OSBPL10: variants seen among roughly 807,000 people sequenced by gnomAD.
OSBPL10 encodes the protein oxysterol binding protein like 10, also known as oxysterol-binding protein-related protein 10.
Under a neutral mutation model 81.7 loss-of-function variants are expected in OSBPL10, and 49 were observed. The observed-to-expected ratio is 0.60, with a 90% CI of 0.48 to 0.76. OSBPL10 has a LOEUF of 0.76. Among genes scored for constraint, OSBPL10 ranks in the 30% least tolerant of loss-of-function variants. The pLI is 0.00. For synonymous variants in OSBPL10, 419 were observed against 383.6 expected (o/e 1.09, Z -1.08); for missense variants, 923 against 987.8 (o/e 0.93, Z 0.88).
Position 32,063,311 on chromosome 3 carries a change from G to A in OSBPL10, n.185+14085C>T, listed in dbSNP as rs1259984531. 3.2e-5 allele frequency among the ~76,000 whole-genome samples: 3 copies of A among 92,374 alleles called. 1 individual carries two copies. Among genetic ancestry groups the A allele is most frequent in the African/African-American group, 8.4e-5 (3 of 35,874 alleles). The allele number at this position is 92,374 out of a possible 152,430, so 60.6% of individuals were successfully genotyped here. The stretch of plus-strand genomic sequence containing the variant: ...CCCATTTAATCCTGCAGTGGGACAG[G>A]TCAGGGATGGGGAAGCAAGGGGTTT... On this transcript the variant is annotated intron_variant and non_coding_transcript_variant, in intron 1 of 3. Transcript: ENST00000479173.
intron 6 of OSBPL10, among the ~76,000 whole-genome samples, chr3:31,729,612 G>T (rs1300539379): frequency 6.6e-5 from 10 of 151,672 alleles, no homozygotes; most frequent in Admixed American, 6.6e-4. Context: ...ATAGAGATGG[G>T]GTTTTACCAT....
intron 4 of OSBPL10, among the ~76,000 whole-genome samples, chr3:31,761,371 C>A (rs1698033450): frequency 6.6e-6 from 1 of 150,964 alleles, no homozygotes; most frequent in Non-Finnish European, 1.5e-5. Flanking sequence ...ACTTGGGAAG[C>A]TGAGGCAGGA....
chr3:32,007,934 A>C lies in OSBPL10; in HGVS notation n.298+38557T>G, dbSNP rs188347611. On this transcript the variant is annotated intron_variant and non_coding_transcript_variant, in intron 2 of 3. Transcript: ENST00000479173. ...TGGCCAGGCTGATCTCAAACTCCTG[A>C]CCTCAGGTGATCCGCCCACCTCAGC... 1.8e-4 allele frequency among the ~76,000 whole-genome samples: 28 copies of C among 151,906 alleles called. No homozygotes were observed. In the East Asian group the frequency reaches 2.9e-3, roughly 16 times the overall value.
chr3:31,668,475 T>C (rs3765063), intron 10 of OSBPL10, among the ~76,000 whole-genome samples, 167 bp downstream of exon 10: 25,642 of 152,168 alleles, frequency 0.17, 2,471 homozygotes, highest in East Asian at 0.27. Context: ...AAGGTTCTGC[T>C]CCTAAGTGAC....
At chr3:32,056,353 A>G (rs1699712350) in intron 1 of OSBPL10, among the ~76,000 whole-genome samples, 1 of 152,260 alleles carries the variant, frequency 6.6e-6, no homozygotes. Flanking sequence ...GGAATCAGCC[A>G]GAGACTTCAT....
At chr3:31,980,875 TG>T (rs1698819492) in intron 1 of OSBPL10, 23 bp downstream of exon 1, 2 of 1,544,656 alleles carry the variant, frequency 1.3e-6, no homozygotes, top group African/African-American at 1.4e-5. Flanking sequence ...CGGCGCGCGG[TG>T]GCGCGGGCGG....
At chr3:31,721,964 C>CT (rs1001736007) in intron 6 of OSBPL10, among the ~76,000 whole-genome samples, 1 of 152,152 alleles carries the variant, frequency 6.6e-6, no homozygotes, top group Admixed American at 6.6e-5. Flanking sequence ...GTTCAAAGTG[C>CT]TTTGTCAGAC....
chr3:31,964,284 C>T (rs1202814378), intron 1 of OSBPL10, among the ~76,000 whole-genome samples: 1 of 152,082 alleles, frequency 6.6e-6, no homozygotes, highest in African/African-American at 2.4e-5. Context: ...AGGCTCCCGA[C>T]TAACTGGGAC....
rs377530305 is a variant in OSBPL10, at chr3:31,668,748, C to A, written c.1990G>T (p.Glu664Ter). 6 of 1,614,120 alleles carry A rather than the reference C, an allele frequency of 3.7e-6. No homozygotes were observed. The highest frequency in any genetic ancestry group is 1.3e-5 in the African/African-American group (1 of 75,038). Residue 664 changes from glutamate to a stop codon, truncating the protein, a stop_gained, in exon 10 of 12, where the codon GAG becomes TAG. Transcript: ENST00000396556. LOFTEE classifies it high-confidence loss of function. The stretch of plus-strand genomic sequence containing the variant: ...GTTTCTCCATTGTTGTAGGTGAACT[C>A]TAAAGTACCATTCCATTCCCCATGG... ...KAHGEWNGTL[E>*]FTYNNGETKV...
At position 31,755,291 on chromosome 3, in the gene OSBPL10, G is replaced by A. The variant is rs576333332; in HGVS notation, c.730-7171C>T. 3.2e-4 allele frequency among the ~76,000 whole-genome samples: 49 copies of A among 152,226 alleles called. 1 individual carries two copies. The highest frequency in any genetic ancestry group is 1.1e-3 in the African/African-American group (45 of 41,548). ...CCGAAGTCATTTTTTTATGCCTAAC[G>A]GTATAATAGTCTGCTTTCCTTTCAA... On this transcript the variant is annotated intron_variant, in intron 4 of 11. Coordinates refer to ENST00000396556, the MANE Select transcript of OSBPL10 (RefSeq NM_017784.5).
chr3:31,870,689 T>C (rs1010000710), intron 3 of OSBPL10, among the ~76,000 whole-genome samples: 7 of 152,146 alleles, frequency 4.6e-5, no homozygotes, highest in African/African-American at 1.4e-4. Flanking sequence ...ATCAGCACCC[T>C]GTGTCTACCT....
chr3:31,958,717 C>T (rs962186579), intron 1 of OSBPL10, among the ~76,000 whole-genome samples: 4 of 152,136 alleles, frequency 2.6e-5, no homozygotes, highest in African/African-American at 4.8e-5. Flanking sequence ...AAGGGTGTTT[C>T]GGCTTTGTGT....
intron 1 of OSBPL10, among the ~76,000 whole-genome samples, chr3:31,920,134 G>A (rs4271946): frequency 0.18 from 27,990 of 152,092 alleles, 3,173 homozygotes; most frequent in East Asian, 0.37. Context: ...TAAAGATCAG[G>A]GGTTGCTAGT....
At chr3:31,995,074 A>G (rs1212328270) in intron 2 of OSBPL10, among the ~76,000 whole-genome samples, 1 of 152,210 alleles carries the variant, frequency 6.6e-6, no homozygotes, top group Admixed American at 6.5e-5. Context: ...AGTAAAGATC[A>G]TATGCATCTG....
intron 3 of OSBPL10, among the ~76,000 whole-genome samples, chr3:31,862,206 A>C (rs1334306060): frequency 6.6e-6 from 1 of 152,172 alleles, no homozygotes; most frequent in Non-Finnish European, 1.5e-5. Flanking sequence ...AAAGAAAAAA[A>C]TAGCACCTGC....
At chr3:31,717,315 C>T (rs1696474647) in intron 6 of OSBPL10, 1 of 152,096 alleles carries the variant, frequency 6.6e-6, no homozygotes, top group Admixed American at 6.5e-5. Context: ...ACTCTCAAAC[C>T]AGTGATTTGG....
In OSBPL10 at chr3:31,741,214, A is replaced by T. The variant is rs559479033; in HGVS notation, c.940+6696T>A. 2.0e-5 allele frequency among the ~76,000 whole-genome samples: 3 copies of T among 152,344 alleles called. No homozygotes were observed. The South Asian group carries it at 6.2e-4, about 32-fold the overall frequency. On this transcript the variant is annotated intron_variant, in intron 5 of 11. Coordinates refer to ENST00000396556, the MANE Select transcript of OSBPL10 (RefSeq NM_017784.5). ...AAAGATTGAATTTTCACTTGAAACC[A>T]TTTAAGACATATTCCCAGTGGAAAG...
At chr3:32,028,928 ACACAC>A (rs1559551935) in intron 2 of OSBPL10, among the ~76,000 whole-genome samples, 4,126 of 97,568 alleles carry the variant, frequency 0.042, 191 homozygotes, top group Middle Eastern at 0.09. Flanking sequence ...GCTAGTCAGG[ACACAC>A]ACACACACAC....
intron 8 of OSBPL10, among the ~76,000 whole-genome samples, chr3:31,676,409 A>C (rs1700477859): frequency 1.3e-5 from 2 of 152,024 alleles, no homozygotes; most frequent in Non-Finnish European, 2.9e-5. Flanking sequence ...AAAAAAAAAA[A>C]CATCAAATAA....
Sources: allele counts gnomAD v4.1 joint callset (sites outside exome capture counted in the v4.1 genomes callset), GRCh38; gene constraint gnomAD v4.1.1; transcripts MANE v1.5; gene names NCBI Gene and HGNC (gene_info 2026-07-23, HGNC 2026-07-21).